SNRPN: variants seen among roughly 807,000 people sequenced by gnomAD.
SNRPN encodes small nuclear ribonucleoprotein-associated protein N.
In SNRPN, 7 loss-of-function variants were observed where a neutral mutation model predicts 25.2. The ratio of observed to expected loss-of-function variants is 0.28; its 90% CI spans 0.16 to 0.52. SNRPN has a LOEUF of 0.52. SNRPN is among the 20% of genes least tolerant of loss of function. The pLI is 0.96. For synonymous variants in SNRPN, 124 were observed against 110.6 expected (o/e 1.12, Z -0.76); for missense variants, 196 against 322.5 (o/e 0.61, Z 3.00).
At chr15:24,968,256 CT>C (rs1479305782) in intron 3 of SNRPN, 174 bp downstream of exon 3, 18 of 517,990 alleles carry the variant, frequency 3.5e-5, no homozygotes, top group South Asian at 4.4e-5. Flanking sequence ...TGCCCTGACA[CT>C]TTCGTCATGT....
chr15:24,938,430 C>T (rs2061370578), intron 3 of SNRPN, among the ~76,000 whole-genome samples: 1 of 151,350 alleles, frequency 6.6e-6, no homozygotes, highest in African/African-American at 2.4e-5. Context: ...GCCTGGCCTT[C>T]TGCTTCTAAT....
At chr15:24,931,040 ACT>A (rs2060819041) in intron 3 of SNRPN, among the ~76,000 whole-genome samples, 2 of 152,056 alleles carry the variant, frequency 1.3e-5, no homozygotes, top group Admixed American at 6.6e-5. Context: ...ACAGAGTGAG[ACT>A]CTGTCTCAAA....
chr15:24,873,338 T>C lies in SNRPN; in HGVS notation c.-578-13178T>C, dbSNP rs1403323565. Reference sequence around the variant, plus strand: ...TTCTTTTGTTTTTGTTTCTTTTTTTTTTTTTTGAAACGGAGTATTGCTCAG... The same window carrying C: ...TTCTTTTGTTTTTGTTTCTTTTTTTCTTTTTTGAAACGGAGTATTGCTCAG... On this transcript the variant is annotated intron_variant, in intron 1 of 11. Transcript: ENST00000400097. 1.7e-5 allele frequency among the ~76,000 whole-genome samples: 2 copies of C among 119,258 alleles called. 1 individual carries two copies. The highest frequency in any genetic ancestry group is 6.1e-4 in the South Asian group (2 of 3,290). The allele number at this position is 119,258 out of a possible 152,430, so 78.2% of individuals were successfully genotyped here.
chr15:24,922,037 TAAA>T (rs67089476), intron 3 of SNRPN, among the ~76,000 whole-genome samples: 7,861 of 94,256 alleles, frequency 0.083, 316 homozygotes, highest in Middle Eastern at 0.19. Flanking sequence ...CCGTCTCTAC[TAAA>T]AAAAAAAAAA....
chr15:24,900,413 C>T (rs541778986), intron 2 of SNRPN, among the ~76,000 whole-genome samples: 1 of 152,262 alleles, frequency 6.6e-6, no homozygotes, highest in African/African-American at 2.4e-5. Context: ...TTGAAACTGA[C>T]CATCTGGAAA....
At chr15:24,932,581 G>C (rs2152891567) in intron 3 of SNRPN, among the ~76,000 whole-genome samples, 1 of 152,030 alleles carries the variant, frequency 6.6e-6, no homozygotes, top group South Asian at 2.1e-4. Context: ...CTAGAGTTTG[G>C]TCAAGAAGAC....
At chr15:24,926,900 A>T (rs192940686) in intron 3 of SNRPN, among the ~76,000 whole-genome samples, 1 of 151,964 alleles carries the variant, frequency 6.6e-6, no homozygotes, top group Admixed American at 6.6e-5. Flanking sequence ...CGTCCCAGCC[A>T]CTCAGGAGGC....
intron 3 of SNRPN, among the ~76,000 whole-genome samples, chr15:24,941,183 G>A (rs1408402114): frequency 6.6e-6 from 1 of 152,132 alleles, no homozygotes; most frequent in Non-Finnish European, 1.5e-5. Context: ...TAACATGTTG[G>A]CTAGGCTGGT....
chr15:24,952,028 C>T (rs1181549561), upstream of SNRPN, among the ~76,000 whole-genome samples: 1 of 151,950 alleles, frequency 6.6e-6, no homozygotes, highest in Non-Finnish European at 1.5e-5. Flanking sequence ...TTCAAGGTTA[C>T]ACGGATTTAT....
At chr15:24,848,388 G>A (rs2052457622) in intron 2 of SNRPN, 1 of 152,350 alleles carries the variant, frequency 6.6e-6, no homozygotes, top group Non-Finnish European at 1.5e-5. Context: ...CGCTGGGAGT[G>A]TCTTATCAGC....
At chr15:24,977,504 G>T (rs559056940) in intron 7 of SNRPN, among the ~76,000 whole-genome samples, 1 of 152,178 alleles carries the variant, frequency 6.6e-6, no homozygotes, top group African/African-American at 2.4e-5. Flanking sequence ...GCTGTGTGTG[G>T]TGGTGGGTGC....
At chr15:24,848,306 A>T (rs1018150412) in intron 2 of SNRPN, 1 of 140,120 alleles carries the variant, frequency 7.1e-6, no homozygotes, top group Non-Finnish European at 1.6e-5. Context: ...GGACTGGAGG[A>T]TTCGGTGTTG....
rs577537796 is a variant in SNRPN, at chr15:24,963,735, T to C, written c.-295+1526T>C. ...AGTTTGTGTGTCTTTTGTTATTTCC[T>C]CATTTTATATGTGAAAAGTTGAGCT... On this transcript the variant is annotated intron_variant, in intron 2 of 9. Transcript: ENST00000390687. 2.0e-5 allele frequency among the ~76,000 whole-genome samples: 3 copies of C among 152,214 alleles called. No individual in the cohort carries two copies. The South Asian group carries it at 6.2e-4, about 32-fold the overall frequency.
At chr15:24,943,057 G>T (rs1191698274) in intron 3 of SNRPN, among the ~76,000 whole-genome samples, 2 of 151,578 alleles carry the variant, frequency 1.3e-5, no homozygotes, top group Admixed American at 1.3e-4. Context: ...TGATTTAGAG[G>T]GGTCTATCTA....
At chr15:24,911,248 C>T (rs752030358) in intron 2 of SNRPN, 1 of 432,340 alleles carries the variant, frequency 2.3e-6, no homozygotes, top group Non-Finnish European at 4.0e-6. Context: ...TAAATAAGTT[C>T]AGGAGACAAA....
intron 1 of SNRPN, among the ~76,000 whole-genome samples, chr15:24,864,100 T>C (rs1364056654): frequency 8.7e-5 from 13 of 148,806 alleles, no homozygotes; most frequent in Admixed American, 2.7e-4. Context: ...GAACTCTGCT[T>C]ACTGCAAGCT....
intron 2 of SNRPN, among the ~76,000 whole-genome samples, chr15:24,839,523 G>T (rs909031065): frequency 1.3e-5 from 2 of 152,088 alleles, no homozygotes; most frequent in African/African-American, 2.4e-5. Flanking sequence ...TCCCTGATGA[G>T]GTATGTAGGC....
chr15:24,922,711 T>C (rs1167282087), intron 3 of SNRPN, among the ~76,000 whole-genome samples: 1 of 152,144 alleles, frequency 6.6e-6, no homozygotes, highest in Admixed American at 6.6e-5. Flanking sequence ...ATCCATGTTG[T>C]GTGTAATTCC....
At chr15:24,975,730 A>C (rs1393453457) in intron 5 of SNRPN, among the ~76,000 whole-genome samples, 1 of 152,214 alleles carries the variant, frequency 6.6e-6, no homozygotes, top group Admixed American at 6.5e-5. Flanking sequence ...TACTGGGAGT[A>C]AAAGTATATG....
Sources: allele counts gnomAD v4.1 joint callset (sites outside exome capture counted in the v4.1 genomes callset), GRCh38; gene constraint gnomAD v4.1.1; transcripts MANE v1.5; gene names NCBI Gene and HGNC (gene_info 2026-07-23, HGNC 2026-07-21).